Variants in LASP1 observed in about 807,000 individuals in gnomAD.
The protein encoded by LASP1 is LIM and SH3 domain protein 1.
In LASP1, 10 loss-of-function variants were observed where a neutral mutation model predicts 38.6. The ratio of observed to expected loss-of-function variants is 0.26; its 90% CI spans 0.16 to 0.44. The LOEUF is 0.44. Among genes scored for constraint, LASP1 ranks in the 20% least tolerant of loss-of-function variants. The pLI, the probability that LASP1 is intolerant of heterozygous loss-of-function variation, is 1.00. For missense variants in LASP1, 243 were observed against 375.7 expected (o/e 0.65, Z 2.92); for synonymous variants, 132 against 140.8 (o/e 0.94, Z 0.44).
In LASP1 at chr17:38,918,946, T is replaced by C; in HGVS notation, c.*168T>C. ...AACTGAAGCCTTCTTCTGCCACTTC[T>C]GCGGGCTCCCTCCTCTGGCAGGCTT... On this transcript the variant is annotated 3_prime_UTR_variant, in exon 7 of 7. Coordinates refer to ENST00000318008, the MANE Select transcript of LASP1 (RefSeq NM_006148.4). This position sits in a 1 kb window ranked among gnomAD's most constrained non-coding sequence, Gnocchi z 4.4. The C allele has an allele frequency of 1.4e-6, 1 of 737,284 alleles. No homozygotes were observed. Among genetic ancestry groups the C allele is most frequent in the Non-Finnish European group, 2.2e-6 (1 of 457,078 alleles). The allele number at this position is 737,284 out of a possible 1,614,324, so 45.7% of individuals were successfully genotyped here.
intron 6 of LASP1, chr17:38,915,439 G>T: frequency 3.3e-6 from 1 of 301,184 alleles, no homozygotes; most frequent in Non-Finnish European, 6.4e-6. Context: ...TTTCTGCATG[G>T]GGCCTTCCAG....
intron 4 of LASP1, among the ~76,000 whole-genome samples, chr17:38,911,167 C>T (rs1462502899): frequency 6.6e-6 from 1 of 152,164 alleles, no homozygotes; most frequent in Admixed American, 6.5e-5. Context: ...CTTCCAGGAG[C>T]TTCCATCCAG....
rs769111994 is a variant in LASP1, at chr17:38,919,970, C to T, written c.*1192C>T. ...TGTGAGGGTATGAAGAGCTGTCTTC[C>T]CCTGAGAGTTTCCTCAGAACCCACA... On this transcript the variant is annotated 3_prime_UTR_variant, in exon 7 of 7. Coordinates refer to ENST00000318008, the MANE Select transcript of LASP1 (RefSeq NM_006148.4). The T allele has an allele frequency of 5.6e-5, 30 of 534,892 alleles. No individual in the cohort carries two copies. Among genetic ancestry groups the T allele is most frequent in the Non-Finnish European group, 9.4e-5 (26 of 276,736 alleles). 33.1% of individuals were successfully genotyped at this position (534,892 alleles called of 1,614,324 possible). A position where few individuals can be genotyped will look rare whatever the true frequency, so the allele number is the denominator to read the frequency against.
At chr17:38,880,319 A>G (rs982357380) in intron 2 of LASP1, among the ~76,000 whole-genome samples, 4 of 152,246 alleles carry the variant, frequency 2.6e-5, no homozygotes, top group Non-Finnish European at 4.4e-5. Flanking sequence ...AGCCTCATCC[A>G]AAGTTCCAGC....
chr17:38,914,939 G>T (rs756164853), intron 5 of LASP1, 104 bp from the exon 6 acceptor site: 17 of 1,029,432 alleles, frequency 1.7e-5, no homozygotes, highest in Non-Finnish European at 2.2e-5. Context: ...CTTGAGCCAG[G>T]TTGGGGGCGG....
intron 4 of LASP1, among the ~76,000 whole-genome samples, chr17:38,913,895 A>G (rs1915030291): frequency 6.6e-6 from 1 of 151,914 alleles, no homozygotes; most frequent in Non-Finnish European, 1.5e-5. Context: ...CCAGCCGCCC[A>G]GGAGGCTGAG....
chr17:38,892,906 G>T (rs1167645086), intron 3 of LASP1, among the ~76,000 whole-genome samples: 1 of 152,218 alleles, frequency 6.6e-6, no homozygotes, highest in East Asian at 1.9e-4. Flanking sequence ...GATGAAAATG[G>T]CGGTCACTCT....
In LASP1 at chr17:38,919,013, G is replaced by A; in HGVS notation, c.*235G>A. 1 of 583,768 alleles carries A rather than the reference G, an allele frequency of 1.7e-6. No individual in the cohort carries two copies. The highest frequency in any genetic ancestry group is 2.0e-5 in the South Asian group (1 of 49,394). 36.2% of individuals were successfully genotyped at this position (583,768 alleles called of 1,614,324 possible). ...CTTGGTTTTCTCTCTGGATGGAACGGGCATGGGCCTCTCTGGGGGAGGCAG... is the reference window on the plus strand; with the variant it reads ...CTTGGTTTTCTCTCTGGATGGAACGAGCATGGGCCTCTCTGGGGGAGGCAG... On this transcript the variant is annotated 3_prime_UTR_variant, in exon 7 of 7. Coordinates refer to ENST00000318008, the MANE Select transcript of LASP1 (RefSeq NM_006148.4).
chr17:38,914,657 G>T (rs1026851603), intron 5 of LASP1, among the ~76,000 whole-genome samples, 182 bp downstream of exon 5: 1 of 149,258 alleles, frequency 6.7e-6, no homozygotes, highest in African/African-American at 2.5e-5. Context: ...CTGGGGTGGG[G>T]AGGAAGTCGG....
intron 1 of LASP1, among the ~76,000 whole-genome samples, chr17:38,872,632 C>CCTTCAGTCCCATAGGCAG (rs1344149616): frequency 1.3e-5 from 2 of 152,092 alleles, no homozygotes; most frequent in African/African-American, 4.8e-5. Flanking sequence ...GGAGGGGAAA[C>CCTTCAGTCCCATAGGCAG]CTTCAGTCCC....
chr17:38,885,894 G>A (rs903013985), intron 2 of LASP1, among the ~76,000 whole-genome samples: 27 of 152,156 alleles, frequency 1.8e-4, no homozygotes, highest in African/African-American at 6.5e-4. Context: ...GCATGCTGGT[G>A]GGGGGAGGGG....
intron 4 of LASP1, among the ~76,000 whole-genome samples, chr17:38,907,708 C>T (rs577549144): frequency 6.0e-4 from 92 of 152,286 alleles, no homozygotes; most frequent in African/African-American, 2.1e-3. Flanking sequence ...GGCAGCTACT[C>T]CTCCAGCCGT....
At chr17:38,880,780 G>A (rs1175700851) in intron 2 of LASP1, among the ~76,000 whole-genome samples, 2 of 152,198 alleles carry the variant, frequency 1.3e-5, no homozygotes, top group Admixed American at 6.5e-5. Context: ...CTCTGGACGT[G>A]TCTGAGCCTT....
chr17:38,907,035 G>A (rs536733258), intron 4 of LASP1, among the ~76,000 whole-genome samples: 1 of 152,306 alleles, frequency 6.6e-6, no homozygotes, highest in Non-Finnish European at 1.5e-5. Flanking sequence ...CCAGGCCCTT[G>A]GAAGCTGGGA....
chr17:38,914,594 C>T lies in LASP1; in HGVS notation c.508+119C>T, dbSNP rs1915055687. On this transcript the variant is annotated intron_variant, in intron 5 of 6. Transcript: ENST00000318008. ...CGGAGCCTTGCTCTTAATCAACAGG[C>T]GATTATGCCTCTTGTGTGCAAGAGG... 7 of 1,258,906 alleles carry T rather than the reference C, an allele frequency of 5.6e-6. No homozygotes were observed. The East Asian group carries it at 7.4e-5, about 13-fold the overall frequency. The allele number at this position is 1,258,906 out of a possible 1,614,324, so 78.0% of individuals were successfully genotyped here. A position where few individuals can be genotyped will look rare whatever the true frequency, so the allele number is the denominator to read the frequency against.
rs900057401 is a variant in LASP1 at position 38,918,373 on chromosome 17, G to C, written c.613-232G>C. Reference sequence around the variant, plus strand: ...AGGTGGGGCAGAGCTGATGTGACCCGGTCCCTGCTCTGCCTCTGGCCCTTA... The same window carrying C: ...AGGTGGGGCAGAGCTGATGTGACCCCGTCCCTGCTCTGCCTCTGGCCCTTA... On this transcript the variant is annotated intron_variant, in intron 6 of 6. Transcript: ENST00000318008. This position sits in a 1 kb window ranked among gnomAD's most constrained non-coding sequence, Gnocchi z 4.4. 1.3e-5 allele frequency among the ~76,000 whole-genome samples: 2 copies of C among 152,130 alleles called. No homozygotes were observed. Among genetic ancestry groups the C allele is most frequent in the Non-Finnish European group, 2.9e-5 (2 of 68,032 alleles).
intron 4 of LASP1, among the ~76,000 whole-genome samples, chr17:38,911,458 T>C (rs1386824516): frequency 6.6e-6 from 1 of 152,154 alleles, no homozygotes; most frequent in Non-Finnish European, 1.5e-5. Flanking sequence ...CTCAGAGACT[T>C]GTGGGGAGGA....
intron 4 of LASP1, among the ~76,000 whole-genome samples, chr17:38,906,877 A>T (rs571216844): frequency 6.4e-4 from 98 of 152,216 alleles, no homozygotes; most frequent in African/African-American, 2.1e-3. Context: ...CTTGGACCTC[A>T]TGGGCACAGG....
At chr17:38,891,923 G>C (rs1914337612) in intron 3 of LASP1, among the ~76,000 whole-genome samples, 1 of 151,668 alleles carries the variant, frequency 6.6e-6, no homozygotes, top group Non-Finnish European at 1.5e-5. Flanking sequence ...AGCAATACCT[G>C]GTCCCTAAAA....
Sources: gnomAD v4.1 joint callset for allele counts (sites outside exome capture counted in the v4.1 genomes callset) on GRCh38, gnomAD v4.1.1 for gene constraint, Gnocchi (gnomAD v3.1) non-coding constraint, MANE v1.5 for transcripts, NCBI Gene and HGNC (gene_info 2026-07-23, HGNC 2026-07-21) for gene names.